Variants in SLC2A9 observed in about 807,000 individuals in gnomAD.
SLC2A9 encodes solute carrier family 2 member 9.
Under a neutral mutation model 50.6 loss-of-function variants are expected in SLC2A9, and 39 were observed. The ratio of observed to expected loss-of-function variants is 0.77; its 90% confidence interval spans 0.60 to 1.01. The LOEUF (loss-of-function observed/expected upper bound fraction) is 1.01. Ranked by LOEUF, SLC2A9 falls within the 50% of genes least tolerant of loss-of-function variation. The pLI, the probability that SLC2A9 is intolerant of heterozygous loss-of-function variation, is 0.00. For missense variants in SLC2A9, 686 were observed against 677.6 expected (o/e 1.01, Z -0.14); for synonymous variants, 324 against 276.9 (o/e 1.17, Z -1.69).
At chr4:9,780,577 T>G (rs1247750291) in intron 3 of SLC2A9, among the ~76,000 whole-genome samples, 2 of 152,154 alleles carry the variant, frequency 1.3e-5, no homozygotes, top group Non-Finnish European at 2.9e-5. Flanking sequence ...GTCCAGTCTG[T>G]TTCTAGACCT....
At chr4:9,808,174 T>G (rs967141695) in intron 3 of SLC2A9, among the ~76,000 whole-genome samples, 8 of 152,216 alleles carry the variant, frequency 5.3e-5, no homozygotes, top group African/African-American at 1.9e-4. Context: ...CTTGTGCTCA[T>G]TCTTTTTCTA....
intron 3 of SLC2A9, among the ~76,000 whole-genome samples, chr4:9,807,950 T>C (rs1722340674): frequency 6.6e-6 from 1 of 152,224 alleles, no homozygotes; most frequent in Non-Finnish European, 1.5e-5. Context: ...GCCCCAGGCC[T>C]ATTTATTTGC....
At chr4:9,858,730 T>C (rs1231215658) in intron 10 of SLC2A9, among the ~76,000 whole-genome samples, 1 of 152,184 alleles carries the variant, frequency 6.6e-6, no homozygotes, top group Non-Finnish European at 1.5e-5. Flanking sequence ...GAGTGTCAAC[T>C]TGATTGGATT....
Position 9,783,004 on chromosome 4 carries a change from C to T in SLC2A9, n.386-2939G>A, listed in dbSNP as rs750946934. 5 of 1,614,226 alleles carry T rather than the reference C, an allele frequency of 3.1e-6. No individual in the cohort carries two copies. The South Asian group carries it at 3.3e-5, about 11-fold the overall frequency. Reference sequence around the variant, plus strand: ...GCATGGTCCCTTTCTGCAGTGGACACCCCGAAGGCCCTCCGGCCGGCTTCC... The same window carrying T: ...GCATGGTCCCTTTCTGCAGTGGACATCCCGAAGGCCCTCCGGCCGGCTTCC... On this transcript the variant is annotated intron_variant and non_coding_transcript_variant, in intron 3 of 3. Coordinates refer to the SLC2A9 transcript ENST00000503803.
At chr4:9,878,329 C>T (rs993205081) in intron 10 of SLC2A9, among the ~76,000 whole-genome samples, 1 of 152,034 alleles carries the variant, frequency 6.6e-6, no homozygotes, top group Non-Finnish European at 1.5e-5. Context: ...GCTGGCCATG[C>T]TTGGAGGGTT....
chr4:9,914,384 A>C (rs954451649), intron 7 of SLC2A9, among the ~76,000 whole-genome samples: 1 of 152,238 alleles, frequency 6.6e-6, no homozygotes, highest in African/African-American at 2.4e-5. Context: ...CACAGCCCCA[A>C]GCAAATGTCA....
intron 10 of SLC2A9, among the ~76,000 whole-genome samples, chr4:9,875,495 C>T (rs977658013): frequency 1.3e-5 from 2 of 152,240 alleles, no homozygotes; most frequent in African/African-American, 2.4e-5. Flanking sequence ...AGAAATCAGT[C>T]TAAGTTGTAC....
intron 7 of SLC2A9, among the ~76,000 whole-genome samples, chr4:9,914,481 T>C (rs990526397): frequency 6.6e-6 from 1 of 152,152 alleles, no homozygotes; most frequent in Admixed American, 6.5e-5. Context: ...CTGGGACCAG[T>C]TGCACCCCGA....
chr4:9,805,295 C>T (rs935190882), intron 3 of SLC2A9, among the ~76,000 whole-genome samples: 41 of 152,352 alleles, frequency 2.7e-4, no homozygotes, highest in African/African-American at 7.9e-4. Context: ...CACAGAAAGG[C>T]GCTGAGCCAT....
intron 3 of SLC2A9, chr4:9,783,694 G>A (rs1366719464): frequency 7.5e-6 from 4 of 532,940 alleles, no homozygotes; most frequent in East Asian, 6.4e-5. Context: ...ATGGACCAAC[G>A]ATCCTATGAG....
chr4:9,914,146 CTG>C (rs1742409752), intron 7 of SLC2A9, among the ~76,000 whole-genome samples: 1 of 152,198 alleles, frequency 6.6e-6, no homozygotes, highest in Non-Finnish European at 1.5e-5. Flanking sequence ...TCTGCTACCT[CTG>C]GGTGAGAAGG....
intron 5 of SLC2A9, among the ~76,000 whole-genome samples, chr4:9,968,883 GTTT>G (rs1189693815): frequency 2.6e-5 from 4 of 151,962 alleles, no homozygotes; most frequent in East Asian, 3.9e-4. Flanking sequence ...AAGGGTTAAA[GTTT>G]TTTTAATATC....
chr4:10,025,500 C>A (rs925977846), upstream of SLC2A9, among the ~76,000 whole-genome samples: 1 of 152,106 alleles, frequency 6.6e-6, no homozygotes, highest in Non-Finnish European at 1.5e-5. Flanking sequence ...GAAAGTCATT[C>A]TATTAATAGG....
Position 9,908,332 on chromosome 4 carries a change from G to T in SLC2A9, c.1016C>A (p.Thr339Asn). The change falls in exon 8 of 12, where the codon ACC becomes AAC. Residue 339 changes from threonine to asparagine, a missense_variant. Physicochemically the swap from Thr to Asn is moderately conservative, Grantham distance 65. Coordinates refer to ENST00000264784, the MANE Select transcript of SLC2A9 (RefSeq NM_020041.3). ...LCGLNAIWFY[T>N]NSIFGKAGIP... ...CCCAGCTTTTCCAAAGATGCTGTTG[G>T]TATAGAACCAAATCTGTAATTCAGG... 1.2e-6 allele frequency: 2 copies of T among 1,608,850 alleles called. No individual in the cohort carries two copies. Among genetic ancestry groups the T allele is most frequent in the Non-Finnish European group, 1.7e-6 (2 of 1,175,072 alleles).
At chr4:9,913,142 G>A (rs1742160549) in intron 7 of SLC2A9, among the ~76,000 whole-genome samples, 1 of 152,186 alleles carries the variant, frequency 6.6e-6, no homozygotes, top group Admixed American at 6.5e-5. Context: ...CTCCAGAATT[G>A]TAAGATAATA....
chr4:9,842,615 G>A (rs1335777757), intron 10 of SLC2A9, among the ~76,000 whole-genome samples: 1 of 152,140 alleles, frequency 6.6e-6, no homozygotes, highest in Non-Finnish European at 1.5e-5. Context: ...CCTTTTGATG[G>A]CACCTCTCAT....
At chr4:9,847,222 G>A (rs950472650) in intron 10 of SLC2A9, among the ~76,000 whole-genome samples, 1 of 152,210 alleles carries the variant, frequency 6.6e-6, no homozygotes, top group African/African-American at 2.4e-5. Context: ...AGTTCTGCAC[G>A]GCTGGAGAAG....
At chr4:9,968,641 G>T (rs1260299849) in intron 5 of SLC2A9, among the ~76,000 whole-genome samples, 1 of 152,034 alleles carries the variant, frequency 6.6e-6, no homozygotes, top group African/African-American at 2.4e-5. Flanking sequence ...TCTTGTTTAT[G>T]TTCCACAGTG....
Position 9,928,113 on chromosome 4 carries a change from G to GA in SLC2A9, c.815-7542dup, listed in dbSNP as rs1448898114. Among the ~76,000 whole-genome samples, 11 of 151,600 alleles carry GA rather than the reference G, an allele frequency of 7.3e-5. No homozygotes were observed. In the East Asian group the frequency reaches 1.5e-3, roughly 21 times the overall value. On this transcript the variant is annotated intron_variant, in intron 6 of 11. Coordinates refer to ENST00000264784, the MANE Select transcript of SLC2A9 (RefSeq NM_020041.3). ...GCAACACAGTGAGACCTCATCTCAA[G>GA]AAAAAAAACAAAACAAAAGAAACCA...
Sources: gnomAD v4.1 joint callset for allele counts (sites outside exome capture counted in the v4.1 genomes callset) on GRCh38, gnomAD v4.1.1 for gene constraint, MANE v1.5 for transcripts, NCBI Gene and HGNC (gene_info 2026-07-23, HGNC 2026-07-21) for gene names.